The following PARD3B variants were observed in gnomAD, a reference collection of about 807,000 sequenced individuals.
PARD3B encodes par-3 family cell polarity regulator beta, also known as partitioning defective 3 homolog B.
In PARD3B, 103 loss-of-function variants were observed where a neutral mutation model predicts 130.2. The ratio of observed to expected loss-of-function variants is 0.79; its 90% CI spans 0.67 to 0.93. The LOEUF (loss-of-function observed/expected upper bound fraction) is 0.93. Ranked by LOEUF, PARD3B falls within the 40% of genes least tolerant of loss-of-function variation. The probability of loss-of-function intolerance (pLI) is 0.00; values close to 1 mark genes in which losing one functional copy is unlikely to be tolerated. For missense variants in PARD3B, 1,609 were observed against 1,499.2 expected (o/e 1.07, Z -1.21); for synonymous variants, 583 against 553.2 (o/e 1.05, Z -0.76).
At chr2:205,344,514 A>G (rs1175016217) in intron 18 of PARD3B, among the ~76,000 whole-genome samples, 2 of 152,142 alleles carry the variant, frequency 1.3e-5, no homozygotes, top group Non-Finnish European at 2.9e-5. Context: ...ATGACTTTGG[A>G]CACAGAATTC....
intron 3 of PARD3B, among the ~76,000 whole-genome samples, chr2:205,031,327 A>G (rs930278968): frequency 5.9e-5 from 9 of 152,196 alleles, no homozygotes; most frequent in African/African-American, 1.9e-4. Context: ...TTGTGATAGC[A>G]TCCGAACTTT....
intron 21 of PARD3B, among the ~76,000 whole-genome samples, chr2:205,535,953 G>A (rs1392921131): frequency 6.6e-6 from 1 of 152,188 alleles, no homozygotes; most frequent in Admixed American, 6.6e-5. Context: ...CAATGGTGCT[G>A]TATTGCATTC....
chr2:205,129,580 C>T (rs1163121575), intron 10 of PARD3B, among the ~76,000 whole-genome samples: 1 of 152,168 alleles, frequency 6.6e-6, no homozygotes, highest in African/African-American at 2.4e-5. Flanking sequence ...CTACTTTTGT[C>T]GTGTTCTATC....
chr2:205,014,539 A>G (rs1372455972), intron 3 of PARD3B, among the ~76,000 whole-genome samples: 2 of 152,208 alleles, frequency 1.3e-5, no homozygotes, highest in African/African-American at 4.8e-5. Flanking sequence ...GGCTTTGGCC[A>G]ATTGGTCTTC....
At chr2:204,710,188 A>G (rs1447459991) in intron 2 of PARD3B, among the ~76,000 whole-genome samples, 1 of 152,168 alleles carries the variant, frequency 6.6e-6, no homozygotes, top group Non-Finnish European at 1.5e-5. Flanking sequence ...GGTAGCATAT[A>G]TTTGGGAAGA....
At chr2:204,851,854 G>A (rs1376944879) in intron 2 of PARD3B, among the ~76,000 whole-genome samples, 3 of 151,742 alleles carry the variant, frequency 2.0e-5, no homozygotes, top group East Asian at 1.9e-4. Context: ...CACCATGCCC[G>A]GTTAATTTTT....
intron 1 of PARD3B, among the ~76,000 whole-genome samples, chr2:204,627,382 A>G (rs1485846580): frequency 2.0e-5 from 3 of 152,302 alleles, no homozygotes; most frequent in African/African-American, 4.8e-5. Context: ...TTTATTTAAA[A>G]TTTTCATAAC....
At chr2:205,336,655 G>A (rs1052854933) in intron 18 of PARD3B, among the ~76,000 whole-genome samples, 2 of 152,174 alleles carry the variant, frequency 1.3e-5, no homozygotes, top group Non-Finnish European at 2.9e-5. Context: ...CCTGAGAAAT[G>A]TTAGTTAATG....
chr2:205,088,125 G>C (rs1178827339), intron 4 of PARD3B, among the ~76,000 whole-genome samples: 1 of 152,088 alleles, frequency 6.6e-6, no homozygotes, highest in Non-Finnish European at 1.5e-5. Context: ...CTGAGTTCCC[G>C]CAGTGAGGCC....
chr2:204,710,291 C>A (rs933375401), intron 2 of PARD3B, among the ~76,000 whole-genome samples: 1 of 152,144 alleles, frequency 6.6e-6, no homozygotes, highest in Non-Finnish European at 1.5e-5. Context: ...GGTTGACTGG[C>A]ACATACTGCC....
At chr2:204,624,621 A>G (rs986417934) in intron 1 of PARD3B, among the ~76,000 whole-genome samples, 1 of 152,176 alleles carries the variant, frequency 6.6e-6, no homozygotes, top group East Asian at 1.9e-4. Flanking sequence ...TTGTTTAACC[A>G]TTCACCTATC....
chr2:204,883,406 TATATATATATAATATATATATATATAAAA>T (rs1559226191), intron 2 of PARD3B, among the ~76,000 whole-genome samples: 5 of 101,764 alleles, frequency 4.9e-5, no homozygotes, highest in African/African-American at 1.8e-4. Context: ...ATATATATAT[TATATATATATAATATATATATATATAAAA>T]TATATATATA....
intron 22 of PARD3B, among the ~76,000 whole-genome samples, chr2:205,553,889 T>C (rs2052761868): frequency 6.6e-6 from 1 of 151,948 alleles, no homozygotes; most frequent in Non-Finnish European, 1.5e-5. Flanking sequence ...CAAATATTGC[T>C]GAGAGGCACA....
At chr2:204,714,653 A>G (rs1013217536) in intron 2 of PARD3B, among the ~76,000 whole-genome samples, 3 of 152,204 alleles carry the variant, frequency 2.0e-5, no homozygotes, top group Non-Finnish European at 2.9e-5. Flanking sequence ...GAATATGCAC[A>G]TAAGTACTCC....
chr2:205,440,544 A>C lies in PARD3B; in HGVS notation c.2916A>C (p.Pro972=), dbSNP rs558818785. ...PCTSANVFRS[P]SPPRAGPFGY... ...CATCAGCAAATGTCTTTAGATCTCC[A>C]TCTCCCCCTCGAGCTGGACCATTTG... The change falls in exon 20 of 23, where the codon CCA becomes CCC. Residue 972 remains proline, a synonymous_variant. Transcript: ENST00000406610. This position sits in a 1 kb window ranked among gnomAD's most constrained non-coding sequence, Gnocchi z 4.2. The C allele has an allele frequency of 6.2e-7, 1 of 1,613,964 alleles. No homozygotes were observed. The highest frequency in any genetic ancestry group is 1.1e-5 in the South Asian group (1 of 91,076).
Position 205,440,309 on chromosome 2 carries a change from T to C in PARD3B, c.2742-61T>C. 1 of 1,488,516 alleles carries C rather than the reference T, an allele frequency of 6.7e-7. No homozygotes were observed. The allele number at this position is 1,488,516 out of a possible 1,614,324, so 92.2% of individuals were successfully genotyped here. On this transcript the variant is annotated intron_variant, in intron 19 of 22. Coordinates refer to ENST00000406610, the MANE Select transcript of PARD3B (RefSeq NM_001302769.2). The surrounding 1 kb of genome is among the most constrained non-coding windows in gnomAD (Gnocchi z 4.2). ...GAGTTAACATAAATTCAAGAGAGTA[T>C]TTCATTGTATTATTATATGAAACTC...
intron 2 of PARD3B, among the ~76,000 whole-genome samples, chr2:204,936,767 A>G (rs1366511911): frequency 6.6e-6 from 1 of 152,240 alleles, no homozygotes; most frequent in Non-Finnish European, 1.5e-5. Flanking sequence ...ACCATGATTA[A>G]CTGACAAGAT....
chr2:205,027,101 T>C (rs1575585068), intron 3 of PARD3B, among the ~76,000 whole-genome samples: 1 of 152,150 alleles, frequency 6.6e-6, no homozygotes, highest in Non-Finnish European at 1.5e-5. Context: ...AGGGTACTTA[T>C]TAATTTACAC....
At chr2:205,045,982 C>T (rs185581850) in intron 3 of PARD3B, among the ~76,000 whole-genome samples, 161 of 152,186 alleles carry the variant, frequency 1.1e-3, no homozygotes, top group Non-Finnish European at 1.8e-3. Context: ...AGATTATCAA[C>T]TTGTAATTTA....
Sources: allele counts gnomAD v4.1 joint callset (sites outside exome capture counted in the v4.1 genomes callset), GRCh38; gene constraint gnomAD v4.1.1; non-coding constraint Gnocchi (gnomAD v3.1); transcripts MANE v1.5; gene names NCBI Gene and HGNC (gene_info 2026-07-23, HGNC 2026-07-21).